PAX7: variants seen among roughly 807,000 people sequenced by gnomAD.
PAX7 encodes the protein paired box protein Pax-7.
In PAX7, 18 loss-of-function variants were observed where a neutral mutation model predicts 50.7. The ratio of observed to expected loss-of-function variants is 0.36; its 90% CI spans 0.25 to 0.53. PAX7 has a LOEUF of 0.53. Among genes scored for constraint, PAX7 ranks in the 20% least tolerant of loss-of-function variants. The pLI is 0.93. For missense variants in PAX7, 644 were observed against 702.9 expected (o/e 0.92, Z 0.95); for synonymous variants, 310 against 290.4 (o/e 1.07, Z -0.69).
At chr1:18,723,923 G>T (rs986579615) in intron 7 of PAX7, among the ~76,000 whole-genome samples, 1 of 152,188 alleles carries the variant, frequency 6.6e-6, no homozygotes, top group Non-Finnish European at 1.5e-5. Flanking sequence ...GCTGCCTCCA[G>T]CTGAGTGTGA....
chr1:18,678,069 G>A (rs571008514), intron 4 of PAX7, among the ~76,000 whole-genome samples: 13 of 132,832 alleles, frequency 9.8e-5, no homozygotes, highest in South Asian at 2.7e-4. Flanking sequence ...GTGACAGAGC[G>A]AGACTCCGTC....
At chr1:18,644,906 A>C (rs1005290481) in intron 4 of PAX7, among the ~76,000 whole-genome samples, 1 of 152,100 alleles carries the variant, frequency 6.6e-6, no homozygotes, top group Admixed American at 6.5e-5. Flanking sequence ...ATTCTGCAAA[A>C]ATTTTTGGAG....
chr1:18,643,231 A>G (rs1257015190), intron 4 of PAX7, among the ~76,000 whole-genome samples: 1 of 152,066 alleles, frequency 6.6e-6, no homozygotes, highest in Non-Finnish European at 1.5e-5. Flanking sequence ...GCCGCCGCGG[A>G]GCTCTGCGTG....
At chr1:18,678,177 C>T (rs911242646) in intron 4 of PAX7, among the ~76,000 whole-genome samples, 1 of 152,118 alleles carries the variant, frequency 6.6e-6, no homozygotes, top group African/African-American at 2.4e-5. Flanking sequence ...TTTGGGAGGC[C>T]GAAGCAGGTG....
intron 4 of PAX7, among the ~76,000 whole-genome samples, chr1:18,641,612 T>C (rs1391602753): frequency 2.6e-5 from 4 of 152,196 alleles, no homozygotes; most frequent in African/African-American, 7.2e-5. Flanking sequence ...AAGACTAGTG[T>C]GCACGGCGCA....
chr1:18,652,150 G>C (rs1044047505), intron 4 of PAX7, among the ~76,000 whole-genome samples: 3 of 152,032 alleles, frequency 2.0e-5, no homozygotes, highest in Admixed American at 6.5e-5. Context: ...ATTCCAGAGT[G>C]GGGTAGTGGG....
rs955115071 is a variant in PAX7 at position 18,726,563 on chromosome 1, A to G, written c.1156-9069A>G. On this transcript the variant is annotated intron_variant, in intron 7 of 8. Coordinates refer to ENST00000420770, the MANE Select transcript of PAX7 (RefSeq NM_001135254.2). The surrounding 1 kb of genome is among the most constrained non-coding windows in gnomAD (Gnocchi z 4.8). ...TCCAGGCACGTCATGGCCACAAGAA[A>G]ACAACAAACAGGGTGAGGCTCAGTC... Among the ~76,000 whole-genome samples, 2 of 152,142 alleles carry G rather than the reference A, an allele frequency of 1.3e-5. No individual in the cohort carries two copies. Among genetic ancestry groups the G allele is most frequent in the South Asian group, 2.1e-4 (1 of 4,822 alleles).
intron 4 of PAX7, among the ~76,000 whole-genome samples, chr1:18,669,078 T>C (rs2088707007): frequency 6.6e-6 from 1 of 152,182 alleles, no homozygotes; most frequent in Non-Finnish European, 1.5e-5. Context: ...TGGTTTTCCT[T>C]GGGGGCCCTT....
chr1:18,681,811 G>A (rs768014400), intron 4 of PAX7, among the ~76,000 whole-genome samples: 56 of 151,418 alleles, frequency 3.7e-4, no homozygotes, highest in Non-Finnish European at 6.3e-4. Flanking sequence ...GAGTGCAATG[G>A]TGCAATCTCA....
intron 7 of PAX7, among the ~76,000 whole-genome samples, chr1:18,734,432 G>T (rs2089686185): frequency 6.6e-6 from 1 of 151,790 alleles, no homozygotes; most frequent in South Asian, 2.1e-4. Flanking sequence ...AACTCACTGG[G>T]ACACTGTGCC....
In PAX7 at chr1:18,745,854, G is replaced by A. The variant is rs1170030050; in HGVS notation, c.*925G>A. 4.3e-6 allele frequency: 1 copy of A among 232,362 alleles called. No homozygotes were observed. The highest frequency in any genetic ancestry group is 2.2e-5 in the African/African-American group (1 of 45,320). The allele number at this position is 232,362 out of a possible 1,614,324, so 14.4% of individuals were successfully genotyped here. ...AAAGTCTTGAGGATACATGAGTGGA[G>A]GAGCAGGAAGTGGGCTCAGAAGGCA... is the stretch of plus-strand genomic sequence containing the variant. On this transcript the variant is annotated 3_prime_UTR_variant, in exon 9 of 9. Transcript: ENST00000420770.
At chr1:18,656,452 A>T (rs897900638) in intron 4 of PAX7, among the ~76,000 whole-genome samples, 1 of 152,138 alleles carries the variant, frequency 6.6e-6, no homozygotes, top group African/African-American at 2.4e-5. Context: ...GCGAGCCGAG[A>T]TACCGCCACT....
At chr1:18,671,723 C>T (rs2088752374) in intron 4 of PAX7, among the ~76,000 whole-genome samples, 1 of 152,050 alleles carries the variant, frequency 6.6e-6, no homozygotes, top group African/African-American at 2.4e-5. Flanking sequence ...GTGGTTCATA[C>T]CTGTAACCCC....
chr1:18,741,741 G>A (rs952712227), intron 8 of PAX7, among the ~76,000 whole-genome samples: 16 of 152,240 alleles, frequency 1.1e-4, no homozygotes, highest in Non-Finnish European at 1.5e-4. Context: ...CTGCTTTAGC[G>A]GTGTGCCCTT....
At position 18,745,236 on chromosome 1, in the gene PAX7, C is replaced by T. The variant is rs139237314; in HGVS notation, c.*307C>T. 9.9e-4 allele frequency: 422 copies of T among 425,414 alleles called. 2 individuals carry two copies. The East Asian group carries it at 0.017, about 17-fold the overall frequency. 26.4% of individuals were successfully genotyped at this position (425,414 alleles called of 1,614,324 possible). Reference sequence around the variant, plus strand: ...GCCATCTCAGGCATGGAGATTGGGGCCCACCTTGAACACCTTGGGTGTCCA... The same window carrying T: ...GCCATCTCAGGCATGGAGATTGGGGTCCACCTTGAACACCTTGGGTGTCCA... On this transcript the variant is annotated 3_prime_UTR_variant, in exon 9 of 9. Coordinates refer to ENST00000420770, the MANE Select transcript of PAX7 (RefSeq NM_001135254.2).
rs1032384761 is a variant in PAX7, at chr1:18,631,483, G to C, written c.-121G>C. The C allele has an allele frequency of 2.5e-6, 2 of 815,096 alleles. No individual in the cohort carries two copies. The highest frequency in any genetic ancestry group is 4.1e-6 in the Non-Finnish European group (2 of 489,482). The allele number at this position is 815,096 out of a possible 1,614,324, so 50.5% of individuals were successfully genotyped here. ...GTAGGGAGTGTGTGTGGAGGGGAGGGAGAAGAGGTTAAAAAAAAGAAGACG... is the reference window on the plus strand; with the variant it reads ...GTAGGGAGTGTGTGTGGAGGGGAGGCAGAAGAGGTTAAAAAAAAGAAGACG... On this transcript the variant is annotated 5_prime_UTR_variant, in exon 1 of 9. Transcript: ENST00000420770.
chr1:18,655,773 GTGTGTGTGTGT>G (rs2088507147), intron 4 of PAX7, among the ~76,000 whole-genome samples: 1 of 113,280 alleles, frequency 8.8e-6, no homozygotes. Flanking sequence ...TGGAGAGGGT[GTGTGTGTGTGT>G]GTGTGTGTGT....
At chr1:18,721,801 G>A (rs561443169) in intron 7 of PAX7, among the ~76,000 whole-genome samples, 91 of 152,354 alleles carry the variant, frequency 6.0e-4, no homozygotes, top group African/African-American at 2.1e-3. Context: ...CAACTTGAAG[G>A]CCCTGTGCAG....
At chr1:18,645,742 T>TA (rs146676171) in intron 4 of PAX7, among the ~76,000 whole-genome samples, 16,852 of 152,238 alleles carry the variant, frequency 0.11, 962 homozygotes, top group East Asian at 0.14. Context: ...AAACTTGCCT[T>TA]AAGTCTGCTC....
Sources: gnomAD v4.1 joint callset for allele counts (sites outside exome capture counted in the v4.1 genomes callset) on GRCh38, gnomAD v4.1.1 for gene constraint, Gnocchi (gnomAD v3.1) non-coding constraint, MANE v1.5 for transcripts, NCBI Gene and HGNC (gene_info 2026-07-23, HGNC 2026-07-21) for gene names.